CLPB: variants seen among roughly 807,000 people sequenced by gnomAD.
CLPB encodes the protein mitochondrial disaggregase.
A neutral mutation model predicts 78.4 loss-of-function variants in CLPB; 40 were observed. That is an observed-to-expected ratio of 0.51 (90% CI 0.40 to 0.66). The LOEUF (loss-of-function observed/expected upper bound fraction) is 0.66, where lower values mean the gene tolerates loss of function less well. CLPB is among the 30% of genes least tolerant of loss of function. The pLI is 0.00. For missense variants in CLPB, 780 were observed against 886.9 expected (o/e 0.88, Z 1.53); for synonymous variants, 333 against 348.0 (o/e 0.96, Z 0.48).
intron 7 of CLPB, among the ~76,000 whole-genome samples, chr11:72,315,912 C>T (rs1394879185): frequency 6.6e-6 from 1 of 152,158 alleles, no homozygotes; most frequent in African/African-American, 2.4e-5. Context: ...AAGTTCTGAC[C>T]CAGAGAGTGC....
chr11:72,348,018 A>C (rs140868491), intron 5 of CLPB, among the ~76,000 whole-genome samples: 1 of 152,358 alleles, frequency 6.6e-6, no homozygotes, highest in Non-Finnish European at 1.5e-5. Flanking sequence ...GTCTCCAGAA[A>C]GGAAGACAGT....
chr11:72,335,045 T>A (rs1950294855), intron 5 of CLPB, among the ~76,000 whole-genome samples: 1 of 152,240 alleles, frequency 6.6e-6, no homozygotes, highest in African/African-American at 2.4e-5. Context: ...TCAAATTTTA[T>A]TAACTCCATC....
chr11:72,295,777 A>T, intron 11 of CLPB, 129 bp from the exon 12 acceptor site: 1 of 860,170 alleles, frequency 1.2e-6, no homozygotes, highest in South Asian at 1.7e-5. Flanking sequence ...CCCAGCAGCC[A>T]GCTGCTTCCT....
chr11:72,327,448 C>T lies in CLPB; in HGVS notation c.873+2259G>A, dbSNP rs142437074. On this transcript the variant is annotated intron_variant, in intron 6 of 15. Coordinates refer to ENST00000538039, the MANE Select transcript of CLPB (RefSeq NM_001258392.3). ...GTCTGACTGGCACAGGGGATTGCAA[C>T]TGCCATTTGTTCACTCTGGACATTA... is the stretch of plus-strand genomic sequence containing the variant. Among the ~76,000 whole-genome samples the T allele has an allele frequency of 2.2e-4, 33 of 152,336 alleles. 1 individual carries two copies. The highest frequency in any genetic ancestry group is 3.9e-4 in the Admixed American group (6 of 15,294).
intron 3 of CLPB, among the ~76,000 whole-genome samples, chr11:72,392,317 G>A (rs919952859): frequency 5.9e-5 from 9 of 152,122 alleles, no homozygotes; most frequent in African/African-American, 1.7e-4. Flanking sequence ...AAGTGAAAAG[G>A]TCACAGTTCA....
intron 3 of CLPB, among the ~76,000 whole-genome samples, chr11:72,397,553 T>G (rs1156719365): frequency 3.9e-5 from 6 of 152,222 alleles, no homozygotes; most frequent in Non-Finnish European, 7.4e-5. Flanking sequence ...TTTTCCTAAA[T>G]TTTAGCTACT....
intron 7 of CLPB, 29 bp from the exon 8 acceptor site, chr11:72,308,633 C>CA: frequency 1.3e-6 from 2 of 1,592,896 alleles, no homozygotes; most frequent in Non-Finnish European, 1.7e-6. Flanking sequence ...GATCAGGGGA[C>CA]AGGGAGGGAG....
At chr11:72,353,398 G>A (rs1950649352) in intron 5 of CLPB, among the ~76,000 whole-genome samples, 1 of 152,212 alleles carries the variant, frequency 6.6e-6, no homozygotes, top group Admixed American at 6.5e-5. Flanking sequence ...ACTGTAAGGA[G>A]AAGGAAGGTA....
At chr11:72,351,943 C>T (rs1360267069) in intron 5 of CLPB, among the ~76,000 whole-genome samples, 1 of 152,078 alleles carries the variant, frequency 6.6e-6, no homozygotes, top group Non-Finnish European at 1.5e-5. Context: ...CATAAGGATA[C>T]AACTCAATTT....
intron 4 of CLPB, among the ~76,000 whole-genome samples, chr11:72,361,903 T>G (rs572229329): frequency 1.5e-4 from 23 of 152,216 alleles, no homozygotes; most frequent in Non-Finnish European, 3.1e-4. Flanking sequence ...CAATTTCACA[T>G]GTGCAATGAC....
chr11:72,346,806 C>T (rs1482613840), intron 5 of CLPB, among the ~76,000 whole-genome samples: 2 of 151,354 alleles, frequency 1.3e-5, no homozygotes, highest in Non-Finnish European at 2.9e-5. Flanking sequence ...GGTGAAACCC[C>T]GTCTCTGATA....
chr11:72,302,476 C>T (rs558437938), intron 9 of CLPB, 128 bp from the exon 10 acceptor site: 41 of 794,720 alleles, frequency 5.2e-5, no homozygotes, highest in African/African-American at 3.9e-4. Context: ...TTCTATCTCA[C>T]GCTCAAGATG....
rs1056422760 is a variant in CLPB, at chr11:72,288,860, T to C, written c.*4507A>G. ...TGGGTCCAACACCACCTAGGAGTTC[T>C]GGCAGAGAATCTCTGGAAGAAGTAA... is the stretch of plus-strand genomic sequence containing the variant. On this transcript the variant is annotated 3_prime_UTR_variant, in exon 16 of 16. Transcript: ENST00000538039. The C allele has an allele frequency of 6.6e-6, 1 of 152,236 alleles. No homozygotes were observed. The highest frequency in any genetic ancestry group is 1.5e-5 in the Non-Finnish European group (1 of 68,052). 9.4% of individuals were successfully genotyped at this position (152,236 alleles called of 1,614,324 possible).
intron 3 of CLPB, among the ~76,000 whole-genome samples, chr11:72,395,829 G>A (rs1244948151): frequency 1.3e-5 from 2 of 152,178 alleles, no homozygotes; most frequent in Non-Finnish European, 2.9e-5. Flanking sequence ...CCTGCTCCAC[G>A]TATAGCTAGC....
rs753016437 is a variant in CLPB at position 72,434,259 on chromosome 11, C to G, written c.216G>C (p.Gly72=). The G allele has an allele frequency of 6.2e-7, 1 of 1,612,776 alleles. No individual in the cohort carries two copies. The highest frequency in any genetic ancestry group is 1.7e-5 in the Admixed American group (1 of 59,958). The change falls in exon 1 of 16, where the codon GGG becomes GGC. Residue 72 remains glycine, a synonymous_variant. Transcript: ENST00000538039. ...LFSGRGAATG[G]RQGGRFDTKC... is the part of the protein sequence containing the mutation. ...TGGTATCGAAGCGTCCTCCCTGGCG[C>G]CCCCCGGTGGCTGCCCCACGTCCGG...
chr11:72,332,197 T>A (rs1406369514), intron 5 of CLPB, among the ~76,000 whole-genome samples: 1 of 151,936 alleles, frequency 6.6e-6, no homozygotes, highest in Non-Finnish European at 1.5e-5. Context: ...AGTATATAAT[T>A]CAAGGCCGGG....
intron 6 of CLPB, among the ~76,000 whole-genome samples, chr11:72,323,398 C>A (rs527444244): frequency 4.5e-4 from 68 of 152,068 alleles, no homozygotes; most frequent in Non-Finnish European, 8.8e-4. Flanking sequence ...GAAACCTCGT[C>A]TTTACTAAAA....
At chr11:72,371,074 TG>T (rs1323816862) in intron 4 of CLPB, among the ~76,000 whole-genome samples, 1 of 152,154 alleles carries the variant, frequency 6.6e-6, no homozygotes, top group African/African-American at 2.4e-5. Flanking sequence ...GTGGTTTTTT[TG>T]TTTTTTGAGA....
At position 72,434,313 on chromosome 11, in the gene CLPB, C is replaced by T. The variant is rs766317513; in HGVS notation, c.162G>A (p.Gly54=). ...EPQWLRVATG[G]RPGTSPALFS... ...ACAAGGCCGGCGATGTTCCAGGGCG[C>T]CCCCCGGTGGCTACCCTCAGCCACT... The change falls in exon 1 of 16, where the codon GGG becomes GGA. Residue 54 remains glycine (G), a synonymous_variant. Coordinates refer to ENST00000538039, the MANE Select transcript of CLPB (RefSeq NM_001258392.3). 6.2e-7 allele frequency: 1 copy of T among 1,611,864 alleles called. No homozygotes were observed. Among genetic ancestry groups the T allele is most frequent in the South Asian group, 1.1e-5 (1 of 91,004 alleles).
Sources: gnomAD v4.1 joint callset for allele counts (sites outside exome capture counted in the v4.1 genomes callset) on GRCh38, gnomAD v4.1.1 for gene constraint, MANE v1.5 for transcripts, NCBI Gene and HGNC (gene_info 2026-07-23, HGNC 2026-07-21) for gene names.